RBFOX1: variants seen among roughly 807,000 people sequenced by gnomAD.
RBFOX1 encodes the protein RNA binding protein fox-1 homolog 1.
RBFOX1 carries 8 observed loss-of-function variants against 57.7 expected under a neutral mutation model. That is an observed-to-expected ratio of 0.14 (90% CI 0.08 to 0.25). The LOEUF is 0.25. RBFOX1 is among the 10% of genes least tolerant of loss of function. RBFOX1 has a pLI of 1.00. For synonymous variants in RBFOX1, 326 were observed against 222.4 expected (o/e 1.47, Z -4.15); for missense variants, 611 against 548.5 (o/e 1.11, Z -1.14).
intron 3 of RBFOX1, among the ~76,000 whole-genome samples, chr16:7,003,792 G>A (rs2093050259): frequency 6.6e-6 from 1 of 151,978 alleles, no homozygotes; most frequent in Admixed American, 6.6e-5. Flanking sequence ...GAACTTTTTG[G>A]GATGAGACTA....
intron 1 of RBFOX1, among the ~76,000 whole-genome samples, chr16:5,260,105 G>A (rs929738367): frequency 1.3e-5 from 2 of 152,178 alleles, no homozygotes; most frequent in African/African-American, 4.8e-5. Context: ...GGAGGCTGAG[G>A]CAGGAGAATC....
intron 1 of RBFOX1, among the ~76,000 whole-genome samples, chr16:5,397,725 A>G (rs749376889): frequency 4.6e-5 from 7 of 152,238 alleles, no homozygotes; most frequent in African/African-American, 9.6e-5. Context: ...TGATTCACAC[A>G]TGATAAGACC....
chr16:5,252,454 T>C (rs1322631656), intron 1 of RBFOX1, among the ~76,000 whole-genome samples: 1 of 152,216 alleles, frequency 6.6e-6, no homozygotes, highest in Non-Finnish European at 1.5e-5. Context: ...GAGAGTTCCG[T>C]GTGGGGGTTA....
At chr16:6,294,049 G>T (rs901269190) in intron 1 of RBFOX1, among the ~76,000 whole-genome samples, 5 of 152,168 alleles carry the variant, frequency 3.3e-5, no homozygotes, top group African/African-American at 1.2e-4. Context: ...AGGTGTGGTG[G>T]TATGAACCTG....
intron 4 of RBFOX1, among the ~76,000 whole-genome samples, chr16:7,180,386 A>T (rs1298145047): frequency 6.6e-6 from 1 of 152,156 alleles, no homozygotes; most frequent in Non-Finnish European, 1.5e-5. Flanking sequence ...GCATCTCTGG[A>T]AGTCTGACTC....
chr16:5,334,622 C>G (rs532688047), intron 1 of RBFOX1, among the ~76,000 whole-genome samples: 3 of 152,096 alleles, frequency 2.0e-5, no homozygotes, highest in Non-Finnish European at 4.4e-5. Flanking sequence ...GTATATTTTT[C>G]AAGTGTGTGC....
Position 6,901,260 on chromosome 16 carries a change from C to G in RBFOX1, c.-15-150797C>G, listed in dbSNP as rs555407662. The stretch of plus-strand genomic sequence containing the variant: ...CTTCATTCCAGTGAGGACAGAATTG[C>G]TTGTTCATCTCTTCTGTCTAAGCCC... On this transcript the variant is annotated intron_variant, in intron 3 of 15. Transcript: ENST00000550418. Among the ~76,000 whole-genome samples, 3 of 152,286 alleles carry G rather than the reference C, an allele frequency of 2.0e-5. No individual in the cohort carries two copies. The South Asian group carries it at 6.2e-4, about 32-fold the overall frequency.
intron 3 of RBFOX1, among the ~76,000 whole-genome samples, chr16:6,823,995 C>A (rs193252433): frequency 6.6e-6 from 1 of 152,112 alleles, no homozygotes; most frequent in Non-Finnish European, 1.5e-5. Flanking sequence ...ATGAGCTGGC[C>A]CCATGAATGA....
intron 3 of RBFOX1, among the ~76,000 whole-genome samples, chr16:5,697,700 AT>A (rs58602331): frequency 1 from 151,917 of 151,920 alleles, 75,957 homozygotes; most frequent in Middle Eastern, 1. Flanking sequence ...CGCTCGGCTA[AT>A]TTTTGTATTT....
intron 1 of RBFOX1, among the ~76,000 whole-genome samples, chr16:6,232,875 T>A (rs1053184300): frequency 1.3e-5 from 2 of 152,170 alleles, no homozygotes; most frequent in African/African-American, 4.8e-5. Context: ...CTTCTGCACA[T>A]GTAGCATCCA....
At chr16:5,820,081 C>T (rs1176723910) in intron 3 of RBFOX1, among the ~76,000 whole-genome samples, 4 of 152,206 alleles carry the variant, frequency 2.6e-5, no homozygotes, top group Non-Finnish European at 5.9e-5. Context: ...CATTGCGCTT[C>T]TGCACTATAA....
At chr16:5,849,229 G>T (rs947640388) in intron 3 of RBFOX1, among the ~76,000 whole-genome samples, 4 of 151,996 alleles carry the variant, frequency 2.6e-5, no homozygotes, top group African/African-American at 9.7e-5. Flanking sequence ...TTATTTTCCT[G>T]CATGGAAGGG....
At chr16:7,270,073 A>G (rs1252928352) in intron 4 of RBFOX1, among the ~76,000 whole-genome samples, 1 of 152,214 alleles carries the variant, frequency 6.6e-6, no homozygotes, top group Non-Finnish European at 1.5e-5. Flanking sequence ...GAAAGTAGAT[A>G]CTACTGTCCT....
chr16:6,024,409 G>C (rs1363065750), intron 1 of RBFOX1, among the ~76,000 whole-genome samples: 1 of 152,118 alleles, frequency 6.6e-6, no homozygotes, highest in Non-Finnish European at 1.5e-5. Context: ...AGAGAGGAGA[G>C]ATTTGACCTG....
intron 1 of RBFOX1, among the ~76,000 whole-genome samples, chr16:6,083,895 C>T (rs1357077750): frequency 6.6e-6 from 1 of 152,110 alleles, no homozygotes; most frequent in Non-Finnish European, 1.5e-5. Context: ...TGCCTGAAAG[C>T]CTGTAGATTT....
chr16:6,293,899 G>A (rs1042337040), intron 1 of RBFOX1, among the ~76,000 whole-genome samples: 7 of 17,972 alleles, frequency 3.9e-4, no homozygotes, highest in African/African-American at 6.7e-4. Context: ...GGTGAGCGGG[G>A]GGGTGGTGGA....
intron 10 of RBFOX1, among the ~76,000 whole-genome samples, chr16:7,624,712 T>C (rs9935674): frequency 0.29 from 44,191 of 152,094 alleles, 9,377 homozygotes; most frequent in African/African-American, 0.6. Flanking sequence ...CCTCTTAGCC[T>C]TCTTCCCTGA....
intron 4 of RBFOX1, among the ~76,000 whole-genome samples, chr16:7,321,071 C>CGTATACATATACATATACA (rs1555708876): frequency 1.6e-4 from 12 of 72,942 alleles, no homozygotes; most frequent in African/African-American, 3.3e-4. Flanking sequence ...ATCTGTCTAT[C>CGTATACATATACATATACA]TATACGTATA....
At chr16:7,689,143 C>G (rs1439659637) in intron 14 of RBFOX1, among the ~76,000 whole-genome samples, 1 of 152,142 alleles carries the variant, frequency 6.6e-6, no homozygotes, top group African/African-American at 2.4e-5. Flanking sequence ...CACTTGGCAA[C>G]TTGCAGTCAT....
Sources: gnomAD v4.1 joint callset for allele counts (sites outside exome capture counted in the v4.1 genomes callset) on GRCh38, gnomAD v4.1.1 for gene constraint, MANE v1.5 for transcripts, NCBI Gene and HGNC (gene_info 2026-07-23, HGNC 2026-07-21) for gene names.